ZNF541: variants seen among roughly 807,000 people sequenced by gnomAD.
ZNF541 encodes the protein zinc finger protein 541.
A neutral mutation model predicts 123.5 loss-of-function variants in ZNF541; 23 were observed. The ratio of observed to expected loss-of-function variants is 0.19; its 90% CI spans 0.13 to 0.26. ZNF541 has a LOEUF of 0.26. Ranked by LOEUF, ZNF541 falls within the 10% of genes least tolerant of loss-of-function variation. The pLI is 1.00. For synonymous variants in ZNF541, 751 were observed against 754.5 expected (o/e 1.00, Z 0.08); for missense variants, 1,612 against 1,789.9 (o/e 0.90, Z 1.79).
intron 14 of ZNF541, among the ~76,000 whole-genome samples, chr19:47,528,711 C>G (rs1018206382): frequency 3.3e-5 from 5 of 152,010 alleles, no homozygotes; most frequent in Non-Finnish European, 7.4e-5. Context: ...CAGAGGTTGC[C>G]AAGCAGAAGT....
chr19:47,541,357 C>T (rs1970072829), intron 5 of ZNF541, among the ~76,000 whole-genome samples: 1 of 151,950 alleles, frequency 6.6e-6, no homozygotes. Context: ...TTCAAGGTTG[C>T]AGTGAGCCAT....
intron 9 of ZNF541, among the ~76,000 whole-genome samples, chr19:47,537,179 G>A (rs1008939990): frequency 2.0e-5 from 3 of 152,056 alleles, no homozygotes; most frequent in Admixed American, 1.3e-4. Flanking sequence ...ATAGTTGCAC[G>A]GCCTTGTGAA....
chr19:47,567,349 C>G (rs946523744), intron 2 of ZNF541, among the ~76,000 whole-genome samples: 3 of 152,162 alleles, frequency 2.0e-5, no homozygotes, highest in African/African-American at 7.2e-5. Flanking sequence ...CCTCCACCTC[C>G]TGGGCTCAAG....
chr19:47,561,601 G>A (rs561516979), intron 2 of ZNF541, among the ~76,000 whole-genome samples: 6 of 152,260 alleles, frequency 3.9e-5, no homozygotes, highest in African/African-American at 1.4e-4. Flanking sequence ...GCTGACCTTC[G>A]CTCTGTGCAG....
intron 2 of ZNF541, among the ~76,000 whole-genome samples, chr19:47,565,170 GGGATGA>G: frequency 6.6e-6 from 1 of 151,972 alleles, no homozygotes; most frequent in Non-Finnish European, 1.5e-5. Flanking sequence ...AGGGTGGGAG[GGGATGA>G]GGGATAAAAG....
At chr19:47,564,053 C>A (rs1971169564) in intron 2 of ZNF541, among the ~76,000 whole-genome samples, 1 of 152,132 alleles carries the variant, frequency 6.6e-6, no homozygotes, top group Admixed American at 6.5e-5. Flanking sequence ...AAGTCAAAAC[C>A]CAACAGCCAG....
rs1599931271 is a variant in ZNF541, at chr19:47,521,747, A to C, written c.3712-93T>G. The C allele has an allele frequency of 6.6e-7, 1 of 1,518,550 alleles. No individual in the cohort carries two copies. The allele number at this position is 1,518,550 out of a possible 1,614,324, so 94.1% of individuals were successfully genotyped here. On this transcript the variant is annotated intron_variant, in intron 15 of 16. Transcript: ENST00000391901. This position sits in a 1 kb window ranked among gnomAD's most constrained non-coding sequence, Gnocchi z 4.2. ...GGGCATACGTGTCTCCTGCAGGAAA[A>C]CCCTTCCATCAGGAGCACCCCCGCC...
chr19:47,562,521 G>A (rs1971107853), intron 2 of ZNF541, among the ~76,000 whole-genome samples: 1 of 152,122 alleles, frequency 6.6e-6, no homozygotes, highest in Admixed American at 6.6e-5. Flanking sequence ...TCCAGCCTGG[G>A]TGACAGACTG....
At chr19:47,525,153 T>C (rs1466520925) in intron 14 of ZNF541, among the ~76,000 whole-genome samples, 1 of 151,666 alleles carries the variant, frequency 6.6e-6, no homozygotes, top group Middle Eastern at 3.4e-3. Flanking sequence ...GGTGTGGTTG[T>C]GCGCACCTGT....
At position 47,521,448 on chromosome 19, in the gene ZNF541, C is replaced by A; in HGVS notation, c.3887+31G>T. The A allele has an allele frequency of 6.4e-7, 1 of 1,550,824 alleles. No individual in the cohort carries two copies. Among genetic ancestry groups the A allele is most frequent in the Non-Finnish European group, 8.7e-7 (1 of 1,146,258 alleles). On this transcript the variant is annotated intron_variant, in intron 16 of 16. Transcript: ENST00000391901. This position sits in a 1 kb window ranked among gnomAD's most constrained non-coding sequence, Gnocchi z 4.2. Reference sequence around the variant, plus strand: ...ATCACAGGGGCTGAGGCTGGGAGCCCTGGGAGTGTTTCCAGGAGAAAGCTG... The same window carrying A: ...ATCACAGGGGCTGAGGCTGGGAGCCATGGGAGTGTTTCCAGGAGAAAGCTG...
intron 12 of ZNF541, 88 bp from the exon 13 acceptor site, chr19:47,529,740 G>T: frequency 1.6e-6 from 2 of 1,289,366 alleles, no homozygotes; most frequent in Non-Finnish European, 2.2e-6. Flanking sequence ...AAACACTTGC[G>T]GCTGTCCCTG....
chr19:47,539,886 CAGAAG>C lies in ZNF541; in HGVS notation c.2623-13_2623-9del, dbSNP rs1346931607. 3.5e-5 allele frequency: 53 copies of C among 1,523,354 alleles called. No individual in the cohort carries two copies. The highest frequency in any genetic ancestry group is 4.4e-5 in the Non-Finnish European group (50 of 1,140,100). 94.4% of individuals were successfully genotyped at this position (1,523,354 alleles called of 1,614,324 possible). On this transcript the variant is annotated splice_polypyrimidine_tract_variant and intron_variant, in intron 7 of 16. Transcript: ENST00000391901. ...AAACTCTGTGCCAAACACCTAAACA[CAGAAG>C]AGAAGAGATGGCTCTTTAAGAGATA...
chr19:47,546,470 C>T (rs1439301337), intron 4 of ZNF541, among the ~76,000 whole-genome samples: 1 of 151,964 alleles, frequency 6.6e-6, no homozygotes, highest in Non-Finnish European at 1.5e-5. Flanking sequence ...CGAGATCACA[C>T]CACTGCACTC....
intron 4 of ZNF541, among the ~76,000 whole-genome samples, chr19:47,546,611 C>CA (rs1970370270): frequency 6.6e-6 from 1 of 151,968 alleles, no homozygotes; most frequent in African/African-American, 2.4e-5. Context: ...CCAAGGAACA[C>CA]AAAGACCTCC....
chr19:47,535,111 C>G (rs1969757150), intron 9 of ZNF541, among the ~76,000 whole-genome samples: 1 of 152,254 alleles, frequency 6.6e-6, no homozygotes, highest in African/African-American at 2.4e-5. Flanking sequence ...TGCCACCACA[C>G]CCGGCTAATT....
intron 14 of ZNF541, among the ~76,000 whole-genome samples, chr19:47,525,944 T>C (rs1002859705): frequency 1.3e-5 from 2 of 148,490 alleles, no homozygotes; most frequent in African/African-American, 5.0e-5. Context: ...AAAAAAAACT[T>C]CTAGAGAAAA....
At position 47,544,344 on chromosome 19, in the gene ZNF541, T is replaced by G; in HGVS notation, c.2185A>C (p.Thr729Pro). ...PAENGAASRI[T>P]KGEKGPACSR... ...CAGGCTGGGCCCTTTTCACCTTTTG[T>G]GATCCTTGAAGCCGCGCCATTCTCG... The change falls in exon 5 of 17, where the codon ACA (threonine) becomes CCA (proline). Residue 729 changes from threonine (T) to proline (P), a missense_variant. Transcript: ENST00000391901. 6.4e-7 allele frequency: 1 copy of G among 1,551,628 alleles called. No individual in the cohort carries two copies. The highest frequency in any genetic ancestry group is 8.7e-7 in the Non-Finnish European group (1 of 1,146,998).
At chr19:47,568,397 T>C (rs1278455713) in intron 2 of ZNF541, among the ~76,000 whole-genome samples, 1 of 152,140 alleles carries the variant, frequency 6.6e-6, no homozygotes, top group Non-Finnish European at 1.5e-5. Context: ...CAGACTGGAG[T>C]GCAGTGGCGT....
chr19:47,557,379 C>G (rs1458123327), intron 2 of ZNF541, among the ~76,000 whole-genome samples: 2 of 151,950 alleles, frequency 1.3e-5, no homozygotes, highest in Admixed American at 1.3e-4. Context: ...AAAAAATAGC[C>G]AGTGAGAGAT....
Sources: allele counts gnomAD v4.1 joint callset (sites outside exome capture counted in the v4.1 genomes callset), GRCh38; gene constraint gnomAD v4.1.1; non-coding constraint Gnocchi (gnomAD v3.1); transcripts MANE v1.5; gene names NCBI Gene and HGNC (gene_info 2026-07-23, HGNC 2026-07-21).